Variants in RGS17 observed in about 807,000 individuals in gnomAD.
RGS17 encodes regulator of G protein signaling 17.
In RGS17, 12 loss-of-function variants were observed where a neutral mutation model predicts 25.5. The observed-to-expected ratio is 0.47, with a 90% CI of 0.30 to 0.76. RGS17 has a LOEUF of 0.76. Among genes scored for constraint, RGS17 ranks in the 30% least tolerant of loss-of-function variants. The probability of loss-of-function intolerance (pLI) is 0.07; values close to 1 mark genes in which losing one functional copy is unlikely to be tolerated. For synonymous variants in RGS17, 71 were observed against 76.9 expected, an observed-to-expected ratio of 0.92 and a Z score of 0.40; for missense variants, 196 against 242.2, an observed-to-expected ratio of 0.81 and a Z score of 1.27.
chr6:153,094,586 G>C (rs1309592680), intron 1 of RGS17, among the ~76,000 whole-genome samples: 1 of 152,082 alleles, frequency 6.6e-6, no homozygotes, highest in Non-Finnish European at 1.5e-5. Context: ...GGTTGACTCA[G>C]GATTACTAGG....
Position 153,110,115 on chromosome 6 carries a change from G to A in RGS17, c.-26+21009C>T, listed in dbSNP as rs376411055. Among the ~76,000 whole-genome samples, 161 of 152,116 alleles carry A rather than the reference G, an allele frequency of 1.1e-3. 2 individuals carry two copies. Among genetic ancestry groups the A allele is most frequent in the African/African-American group, 3.7e-3 (155 of 41,478 alleles). On this transcript the variant is annotated intron_variant, in intron 1 of 4. Transcript: ENST00000206262. Reference sequence around the variant, plus strand: ...CTCCATTGATAATTTTGCTTTTCACGGCCAAGAAGCTCCATAGACCCAAAA... The same window carrying A: ...CTCCATTGATAATTTTGCTTTTCACAGCCAAGAAGCTCCATAGACCCAAAA...
At chr6:153,129,574 C>A (rs1777754615) in intron 1 of RGS17, among the ~76,000 whole-genome samples, 1 of 152,198 alleles carries the variant, frequency 6.6e-6, no homozygotes, top group Non-Finnish European at 1.5e-5. Flanking sequence ...CAGAAGGGTT[C>A]ATCACCCGGA....
intron 1 of RGS17, among the ~76,000 whole-genome samples, chr6:153,105,811 C>T (rs899431448): frequency 4.6e-5 from 7 of 152,154 alleles, no homozygotes; most frequent in African/African-American, 1.2e-4. Flanking sequence ...GACAGACAGG[C>T]AGAAGGAATC....
chr6:153,014,558 G>C (rs1779164136), intron 4 of RGS17, among the ~76,000 whole-genome samples: 1 of 152,172 alleles, frequency 6.6e-6, no homozygotes, highest in African/African-American at 2.4e-5. Context: ...CAGCACTTTG[G>C]GAGGCTGAAG....
chr6:153,069,145 T>C (rs1584142692), intron 1 of RGS17, among the ~76,000 whole-genome samples: 2 of 152,158 alleles, frequency 1.3e-5, no homozygotes, highest in South Asian at 2.1e-4. Flanking sequence ...TGAAGAGATA[T>C]CTGCACTCCC....
intron 1 of RGS17, among the ~76,000 whole-genome samples, chr6:153,094,232 C>T (rs993065827): frequency 4.0e-5 from 6 of 151,854 alleles, no homozygotes; most frequent in Non-Finnish European, 8.8e-5. Context: ...CATACCACCA[C>T]GCCCGGCTAA....
At chr6:153,021,619 C>G (rs1380893702) in intron 4 of RGS17, among the ~76,000 whole-genome samples, 2 of 152,142 alleles carry the variant, frequency 1.3e-5, no homozygotes, top group Non-Finnish European at 2.9e-5. Context: ...TAGAAATCAG[C>G]TGGCTAAACA....
At chr6:153,033,137 T>C (rs995064985) in intron 2 of RGS17, among the ~76,000 whole-genome samples, 1 of 152,182 alleles carries the variant, frequency 6.6e-6, no homozygotes, top group African/African-American at 2.4e-5. Flanking sequence ...TGCCAATTTC[T>C]TTCTATATAC....
At chr6:153,129,801 G>A (rs546898593) in intron 1 of RGS17, among the ~76,000 whole-genome samples, 1 of 152,204 alleles carries the variant, frequency 6.6e-6, no homozygotes, top group Non-Finnish European at 1.5e-5. Flanking sequence ...TTTGAAAGAA[G>A]CATTTATGGA....
At chr6:153,089,607 C>T (rs1008362341) in intron 1 of RGS17, among the ~76,000 whole-genome samples, 4 of 151,766 alleles carry the variant, frequency 2.6e-5, no homozygotes, top group South Asian at 2.1e-4. Flanking sequence ...TTGATAAAGA[C>T]GACTTGGTGA....
intron 1 of RGS17, among the ~76,000 whole-genome samples, chr6:153,054,023 T>TC (rs1776509730): frequency 1.9e-5 from 1 of 51,652 alleles, no homozygotes; most frequent in South Asian, 7.8e-4. Flanking sequence ...TATATGTATA[T>TC]AATATATATA....
At chr6:153,034,769 G>T (rs764887089) in intron 2 of RGS17, among the ~76,000 whole-genome samples, 13 of 152,308 alleles carry the variant, frequency 8.5e-5, no homozygotes, top group Non-Finnish European at 1.8e-4. Flanking sequence ...AATATGGCAA[G>T]ACTACCTCTA....
chr6:153,040,077 A>ATGCCCTGGATTTTGGCATCCATTCCT (rs35364459), intron 2 of RGS17, among the ~76,000 whole-genome samples: 1 of 151,850 alleles, frequency 6.6e-6, no homozygotes, highest in African/African-American at 2.4e-5. Flanking sequence ...TGTCCATTTT[A>ATGCCCTGGATTTTGGCATCCATTCCT]TGTGTATTTA....
intron 1 of RGS17, among the ~76,000 whole-genome samples, chr6:153,053,678 T>C (rs1220541906): frequency 1.3e-5 from 2 of 151,366 alleles, no homozygotes; most frequent in Non-Finnish European, 2.9e-5. Flanking sequence ...CCTAGGTACT[T>C]GCTACTTGGG....
At chr6:153,013,384 A>G (rs1779153529) in intron 4 of RGS17, among the ~76,000 whole-genome samples, 1 of 152,148 alleles carries the variant, frequency 6.6e-6, no homozygotes, top group African/African-American at 2.4e-5. Context: ...TGCTATTCCC[A>G]TATCTTTGTC....
At chr6:153,059,726 C>T (rs1776610602) in intron 1 of RGS17, among the ~76,000 whole-genome samples, 1 of 152,142 alleles carries the variant, frequency 6.6e-6, no homozygotes, top group Non-Finnish European at 1.5e-5. Flanking sequence ...TATTATTACT[C>T]CTGGACCAAC....
chr6:153,026,458 C>T lies in RGS17; in HGVS notation c.205G>A (p.Glu69Lys), dbSNP rs199591913. Reference protein sequence around the residue: ...TKMESIQVLEECQNPTAEEVL... With the variant: ...TKMESIQVLEKCQNPTAEEVL... ...CTATGTGGTTCTCACACTCACCATT[C>T]CTCTAGGACCTGGATACTCTCCATT... Residue 69 changes from glutamate (E) to lysine (K), a missense_variant, in exon 3 of 5, where the codon GAA (glutamate) becomes AAA (lysine). This residue lies in a region of RGS17 where 179 missense variants were observed against 197.6 expected (regional missense o/e 0.91). Transcript: ENST00000206262. 8.1e-6 allele frequency: 13 copies of T among 1,610,010 alleles called. No individual in the cohort carries two copies. The South Asian group carries it at 1.3e-4, about 16-fold the overall frequency.
intron 2 of RGS17, among the ~76,000 whole-genome samples, chr6:153,035,904 G>A (rs1020747424): frequency 6.6e-6 from 1 of 152,054 alleles, no homozygotes; most frequent in Non-Finnish European, 1.5e-5. Flanking sequence ...AGAGAAGCTT[G>A]GTTCTCTTAA....
chr6:153,079,552 A>G (rs1776941611), intron 1 of RGS17, among the ~76,000 whole-genome samples: 1 of 152,228 alleles, frequency 6.6e-6, no homozygotes, highest in Non-Finnish European at 1.5e-5. Context: ...TTAAATATGT[A>G]CTGATGTGAT....
Sources: allele counts gnomAD v4.1 joint callset (sites outside exome capture counted in the v4.1 genomes callset), GRCh38; gene constraint gnomAD v4.1.1; regional missense constraint gnomAD v4.1.1; transcripts MANE v1.5; gene names NCBI Gene and HGNC (gene_info 2026-07-23, HGNC 2026-07-21).